The following SEMA3D variants were observed in gnomAD, a reference collection of about 807,000 sequenced individuals.
SEMA3D encodes semaphorin-3D.
In SEMA3D, 84 loss-of-function variants were observed where a neutral mutation model predicts 100.1. The observed-to-expected ratio is 0.84, with a 90% CI of 0.70 to 1.01. SEMA3D has a LOEUF of 1.01. Among genes scored for constraint, SEMA3D ranks in the 50% least tolerant of loss-of-function variants. SEMA3D has a pLI of 0.00. For missense variants in SEMA3D, 875 were observed against 934.1 expected, an observed-to-expected ratio of 0.94 and a Z score of 0.82; for synonymous variants, 312 against 320.7, an observed-to-expected ratio of 0.97 and a Z score of 0.29.
the SEMA3D span, among the ~76,000 whole-genome samples, chr7:85,220,314 G>A: frequency 6.8e-6 from 1 of 147,760 alleles, no homozygotes; most frequent in African/African-American, 2.5e-5. Flanking sequence ...CATATGGGTG[G>A]CAGAGTTTCA....
At chr7:85,110,354 T>G (rs1367135675) in intron 3 of SEMA3D, among the ~76,000 whole-genome samples, 1 of 151,968 alleles carries the variant, frequency 6.6e-6, no homozygotes, top group East Asian at 1.9e-4. Context: ...AGAGTGGGCT[T>G]AGATCTGAAC....
chr7:85,229,727 A>T, the SEMA3D span, among the ~76,000 whole-genome samples: 1 of 152,096 alleles, frequency 6.6e-6, no homozygotes, highest in Non-Finnish European at 1.5e-5. Context: ...CACATTTTGC[A>T]TATTTTGCAT....
chr7:85,054,024 T>C (rs1012531187), intron 9 of SEMA3D, among the ~76,000 whole-genome samples: 1 of 151,910 alleles, frequency 6.6e-6, no homozygotes, highest in African/African-American at 2.4e-5. Context: ...ATAAATAAAA[T>C]ATTACATGGT....
the SEMA3D span, among the ~76,000 whole-genome samples, chr7:85,232,152 G>GT: frequency 2.0e-5 from 3 of 152,166 alleles, no homozygotes; most frequent in Non-Finnish European, 4.4e-5. Flanking sequence ...GGGAGGAGGA[G>GT]TGAGTTGGCC....
intron 12 of SEMA3D, among the ~76,000 whole-genome samples, chr7:85,026,562 T>C (rs1251192151): frequency 1.3e-5 from 2 of 152,088 alleles, no homozygotes; most frequent in East Asian, 3.9e-4. Context: ...GTTTTCAGTC[T>C]CCTTTGGTAA....
In SEMA3D at chr7:84,995,576, T is replaced by C. The variant is rs1375583009; in HGVS notation, c.*3864A>G. 2 of 152,246 alleles carry C rather than the reference T, an allele frequency of 1.3e-5. No homozygotes were observed. The highest frequency in any genetic ancestry group is 1.3e-4 in the Admixed American group (2 of 15,294). 9.4% of individuals were successfully genotyped at this position (152,246 alleles called of 1,614,324 possible). On this transcript the variant is annotated 3_prime_UTR_variant, in exon 19 of 19. Coordinates refer to ENST00000284136, the MANE Select transcript of SEMA3D (RefSeq NM_001384900.1). ...AGTTTTTATAATCATAGAACAGTCA[T>C]GTTTGCATTTTATTATAATACAACC...
the SEMA3D span, among the ~76,000 whole-genome samples, chr7:85,194,653 T>C: frequency 6.6e-6 from 1 of 152,266 alleles, no homozygotes; most frequent in Middle Eastern, 3.4e-3. Context: ...TAAATAAATC[T>C]AGGAGTGGAA....
intron 6 of SEMA3D, among the ~76,000 whole-genome samples, chr7:85,070,899 GC>G (rs1791753796): frequency 6.6e-6 from 1 of 152,144 alleles, no homozygotes; most frequent in Non-Finnish European, 1.5e-5. Context: ...TCTTGCCTCA[GC>G]CTTCAGAGTA....
At chr7:85,100,312 C>CTTTT (rs61378869) in intron 3 of SEMA3D, among the ~76,000 whole-genome samples, 1 of 142,626 alleles carries the variant, frequency 7.0e-6, no homozygotes, top group Non-Finnish European at 1.5e-5. Flanking sequence ...GTTGATTTTT[C>CTTTT]TTTTTTTTTT....
chr7:85,041,762 G>A, intron 10 of SEMA3D: 1 of 162,606 alleles, frequency 6.1e-6, no homozygotes, highest in East Asian at 1.8e-4. Flanking sequence ...ACAAGTCGGA[G>A]GGACAGTGTT....
chr7:85,069,865 T>C (rs1562804803), intron 6 of SEMA3D, among the ~76,000 whole-genome samples: 1 of 152,194 alleles, frequency 6.6e-6, no homozygotes, highest in Non-Finnish European at 1.5e-5. Flanking sequence ...CACTGTGGGA[T>C]ACAAATATTA....
At chr7:85,161,289 A>T (rs553258659) in intron 1 of SEMA3D, among the ~76,000 whole-genome samples, 1 of 152,252 alleles carries the variant, frequency 6.6e-6, no homozygotes, top group South Asian at 2.1e-4. Flanking sequence ...GCTTACAGTG[A>T]TTCTTTGTGT....
At chr7:85,223,872 T>C in the SEMA3D span, among the ~76,000 whole-genome samples, 1 of 151,536 alleles carries the variant, frequency 6.6e-6, no homozygotes, top group South Asian at 2.1e-4. Context: ...AACTTATCCG[T>C]GTAACCCCCA....
At chr7:85,030,239 A>G (rs1356360792) in intron 12 of SEMA3D, among the ~76,000 whole-genome samples, 1 of 151,926 alleles carries the variant, frequency 6.6e-6, no homozygotes. Flanking sequence ...AAAAAGTAAA[A>G]AGAACAGGCT....
intron 2 of SEMA3D, chr7:85,143,331 T>C (rs1007694037): frequency 8.4e-5 from 31 of 367,912 alleles, no homozygotes; most frequent in Non-Finnish European, 1.1e-4. Flanking sequence ...AATGAGAATA[T>C]GTTCTGATAA....
rs933679952 is a variant in SEMA3D at position 85,151,791 on chromosome 7, A to G, written c.-41+1817T>C. The G allele has an allele frequency of 1.2e-5, 10 of 815,238 alleles. No homozygotes were observed. The African/African-American group carries it at 1.9e-4, about 15-fold the overall frequency. 50.5% of individuals were successfully genotyped at this position (815,238 alleles called of 1,614,324 possible). On this transcript the variant is annotated intron_variant, in intron 2 of 18. Coordinates refer to ENST00000284136, the MANE Select transcript of SEMA3D (RefSeq NM_001384900.1). Reference sequence around the variant, plus strand: ...ACTTAAACTATTATATTAGAAGAAAATTTTAAATTCCTATTTTAAAATTCC... The same window carrying G: ...ACTTAAACTATTATATTAGAAGAAAGTTTTAAATTCCTATTTTAAAATTCC...
At chr7:85,211,473 C>A in the SEMA3D span, among the ~76,000 whole-genome samples, 1 of 152,078 alleles carries the variant, frequency 6.6e-6, no homozygotes, top group Non-Finnish European at 1.5e-5. Context: ...AGCAGTTCAA[C>A]AGAACAGAAT....
Position 85,040,891 on chromosome 7 carries a change from T to C in SEMA3D, c.977-149A>G. The C allele has an allele frequency of 1.1e-5, 6 of 549,692 alleles. 1 individual carries two copies. The South Asian group carries it at 1.5e-4, about 13-fold the overall frequency. The allele number at this position is 549,692 out of a possible 1,614,324, so 34.1% of individuals were successfully genotyped here. On this transcript the variant is annotated intron_variant, in intron 10 of 18. Transcript: ENST00000284136. ...ATGCCTTGAGAAATCAAATATAAGA[T>C]TGTTTTTTCTCAATGACTATGTATG...
intron 4 of SEMA3D, among the ~76,000 whole-genome samples, chr7:85,092,944 G>GA (rs1262104828): frequency 6.6e-6 from 1 of 151,908 alleles, no homozygotes; most frequent in Non-Finnish European, 1.5e-5. Flanking sequence ...TACACAAGAT[G>GA]AAAAAAATAC....
Sources: allele counts gnomAD v4.1 joint callset (sites outside exome capture counted in the v4.1 genomes callset), GRCh38; gene constraint gnomAD v4.1.1; transcripts MANE v1.5; gene names NCBI Gene and HGNC (gene_info 2026-07-23, HGNC 2026-07-21).